EPB41L2: variants seen among roughly 807,000 people sequenced by gnomAD.
The protein encoded by EPB41L2 is band 4.1-like protein 2.
A neutral mutation model predicts 113.0 loss-of-function variants in EPB41L2; 43 were observed. The observed-to-expected ratio is 0.38, with a 90% CI of 0.30 to 0.49. EPB41L2 has a LOEUF of 0.49. Among genes scored for constraint, EPB41L2 ranks in the 20% least tolerant of loss-of-function variants. The pLI is 0.95. For missense variants in EPB41L2, 1,147 were observed against 1,223.4 expected (o/e 0.94, Z 0.93); for synonymous variants, 442 against 436.7 (o/e 1.01, Z -0.15).
At chr6:131,017,444 A>C (rs1788490428) in intron 1 of EPB41L2, among the ~76,000 whole-genome samples, 1 of 152,186 alleles carries the variant, frequency 6.6e-6, no homozygotes. Flanking sequence ...TATTGTTTTC[A>C]TATTTTATAT....
At position 130,907,670 on chromosome 6, in the gene EPB41L2, A is replaced by G. The variant is rs138069621; in HGVS notation, c.853+1151T>C. Among the ~76,000 whole-genome samples the G allele has an allele frequency of 5.0e-3, 767 of 152,306 alleles. 5 individuals are homozygous for G. The highest frequency in any genetic ancestry group is 0.018 in the African/African-American group (729 of 41,566). On this transcript the variant is annotated intron_variant, in intron 5 of 19. Coordinates refer to ENST00000337057, the MANE Select transcript of EPB41L2 (RefSeq NM_001431.4). ...TAAGGTATATGCTCAGAATAAAAAA[A>G]GAGAGTAGGGAAGCAAAGAAATGAC...
At chr6:131,051,092 A>C (rs915166537) in intron 1 of EPB41L2, among the ~76,000 whole-genome samples, 1 of 152,152 alleles carries the variant, frequency 6.6e-6, no homozygotes, top group African/African-American at 2.4e-5. Context: ...AGACCACAGG[A>C]AAAAAATATA....
intron 3 of EPB41L2, among the ~76,000 whole-genome samples, chr6:130,954,857 T>A (rs1562578095): frequency 1.3e-5 from 2 of 152,206 alleles, no homozygotes; most frequent in Non-Finnish European, 2.9e-5. Context: ...TTCCAAATAT[T>A]TAACACCCAG....
intron 3 of EPB41L2, among the ~76,000 whole-genome samples, chr6:130,945,250 G>A (rs1056607206): frequency 6.6e-5 from 10 of 152,118 alleles, no homozygotes; most frequent in African/African-American, 2.2e-4. Context: ...CTTGGAGGGT[G>A]AAAAGAAACA....
At chr6:130,865,753 G>A (rs1783547819) in intron 16 of EPB41L2, 119 bp from the exon 17 acceptor site, 1 of 1,022,160 alleles carries the variant, frequency 9.8e-7, no homozygotes, top group Non-Finnish European at 1.5e-6. Context: ...CGTGTTTGCA[G>A]TAGTAATTAC....
At chr6:130,856,223 A>T (rs1169405523) in intron 19 of EPB41L2, among the ~76,000 whole-genome samples, 5 of 152,250 alleles carry the variant, frequency 3.3e-5, no homozygotes, top group Non-Finnish European at 7.3e-5. Context: ...TAAGTCATAA[A>T]GGAAAAGCTT....
chr6:130,890,608 A>G, intron 10 of EPB41L2, 142 bp from the exon 11 acceptor site: 1 of 1,006,626 alleles, frequency 9.9e-7, no homozygotes, highest in Non-Finnish European at 1.4e-6. Flanking sequence ...AACTTTCTAA[A>G]GAACATTATT....
At chr6:130,882,216 T>A (rs931032535) in intron 12 of EPB41L2, 7 of 152,240 alleles carry the variant, frequency 4.6e-5, no homozygotes, top group African/African-American at 1.7e-4. Flanking sequence ...TCCCTCCTCC[T>A]TCCCTCCTCC....
chr6:130,990,141 C>T (rs1473263745), intron 1 of EPB41L2, among the ~76,000 whole-genome samples: 2 of 152,014 alleles, frequency 1.3e-5, no homozygotes, highest in South Asian at 2.1e-4. Context: ...GCTAAAATGG[C>T]GAAACCCTGC....
intron 1 of EPB41L2, among the ~76,000 whole-genome samples, chr6:131,016,554 A>G (rs1403814102): frequency 1.3e-5 from 2 of 151,902 alleles, no homozygotes; most frequent in African/African-American, 4.8e-5. Flanking sequence ...AGAATACCAA[A>G]ATGAATGGGA....
chr6:130,982,419 C>T (rs1263901852), intron 1 of EPB41L2, among the ~76,000 whole-genome samples: 1 of 152,142 alleles, frequency 6.6e-6, no homozygotes, highest in Non-Finnish European at 1.5e-5. Flanking sequence ...GTCAGATATT[C>T]TCCAATTCTT....
At chr6:130,924,325 C>T (rs1401248954) in intron 4 of EPB41L2, among the ~76,000 whole-genome samples, 2 of 151,942 alleles carry the variant, frequency 1.3e-5, no homozygotes, top group Non-Finnish European at 1.5e-5. Flanking sequence ...CTCTTCAAGA[C>T]CTTGCTTTCA....
chr6:130,866,018 G>C (rs1278514368), intron 16 of EPB41L2, among the ~76,000 whole-genome samples: 2 of 152,178 alleles, frequency 1.3e-5, no homozygotes, highest in Admixed American at 1.3e-4. Flanking sequence ...TTTAAGCACA[G>C]GTGGGTAAAA....
In EPB41L2 at chr6:130,863,651, AT is replaced by A; in HGVS notation, c.2896del (p.Ile966LeufsTer42). ...KRIVITGDGD[I>X]DHDQALAQAI... ...TAACTTATTTACCTGGTCATGATCA[AT>A]ATCTCCATCTCCTGTGATCACAATG... On this transcript the variant is annotated frameshift_variant, in exon 18 of 20. Coordinates refer to ENST00000337057, the MANE Select transcript of EPB41L2 (RefSeq NM_001431.4). LOFTEE classifies it high-confidence loss of function. 1 of 1,611,928 alleles carries A rather than the reference AT, an allele frequency of 6.2e-7. No individual in the cohort carries two copies. Among genetic ancestry groups the A allele is most frequent in the Non-Finnish European group, 8.5e-7 (1 of 1,178,066 alleles).
chr6:130,844,512 C>T (rs570093915), intron 19 of EPB41L2, among the ~76,000 whole-genome samples: 1 of 152,128 alleles, frequency 6.6e-6, no homozygotes, highest in Non-Finnish European at 1.5e-5. Flanking sequence ...TCGAAGGTTG[C>T]GCAAGCTGGG....
intron 6 of EPB41L2, among the ~76,000 whole-genome samples, chr6:130,903,229 C>T (rs1186707340): frequency 6.6e-6 from 1 of 152,120 alleles, no homozygotes; most frequent in Non-Finnish European, 1.5e-5. Context: ...ATGCATTGTT[C>T]AGAGGCACCC....
chr6:131,034,979 C>T (rs1792996047), intron 1 of EPB41L2, among the ~76,000 whole-genome samples: 1 of 152,188 alleles, frequency 6.6e-6, no homozygotes, highest in African/African-American at 2.4e-5. Flanking sequence ...CACCTAACTG[C>T]CTGACTACAA....
At chr6:130,930,916 C>T (rs1480982867) in intron 3 of EPB41L2, among the ~76,000 whole-genome samples, 1 of 151,580 alleles carries the variant, frequency 6.6e-6, no homozygotes, top group Non-Finnish European at 1.5e-5. Flanking sequence ...AAATAAAACA[C>T]CTAGAAATGA....
intron 3 of EPB41L2, among the ~76,000 whole-genome samples, chr6:130,945,895 C>T (rs1312682549): frequency 6.6e-6 from 1 of 152,050 alleles, no homozygotes; most frequent in East Asian, 1.9e-4. Context: ...GCAGCAACAT[C>T]ATAAAGAGTG....
Sources: gnomAD v4.1 joint callset for allele counts (sites outside exome capture counted in the v4.1 genomes callset) on GRCh38, gnomAD v4.1.1 for gene constraint, MANE v1.5 for transcripts, NCBI Gene and HGNC (gene_info 2026-07-23, HGNC 2026-07-21) for gene names.